The following ADCY9 variants were observed in gnomAD, a reference collection of about 807,000 sequenced individuals.
ADCY9 encodes the protein adenylate cyclase type 9.
ADCY9 carries 50 observed loss-of-function variants against 101.5 expected under a neutral mutation model. The observed-to-expected ratio is 0.49, with a 90% CI of 0.39 to 0.62. The LOEUF (loss-of-function observed/expected upper bound fraction) is 0.62. Among genes scored for constraint, ADCY9 ranks in the 20% least tolerant of loss-of-function variants. ADCY9 has a pLI of 0.00. For synonymous variants in ADCY9, 905 were observed against 769.3 expected, an observed-to-expected ratio of 1.18 and a Z score of -2.92; for missense variants, 1,662 against 1,800.4, an observed-to-expected ratio of 0.92 and a Z score of 1.39.
intron 6 of ADCY9, chr16:3,984,091 A>G (rs1184609544): frequency 6.6e-6 from 1 of 152,244 alleles, no homozygotes; most frequent in Non-Finnish European, 1.5e-5. Context: ...AAACACAAAA[A>G]AAACCCTGCC....
At chr16:3,986,328 C>T (rs2056192983) in intron 6 of ADCY9, among the ~76,000 whole-genome samples, 1 of 152,214 alleles carries the variant, frequency 6.6e-6, no homozygotes, top group Admixed American at 6.5e-5. Context: ...TCTCTCCTTT[C>T]CTCCCCACCG....
chr16:4,100,442 G>A (rs2057035181), intron 2 of ADCY9, among the ~76,000 whole-genome samples: 1 of 152,016 alleles, frequency 6.6e-6, no homozygotes, highest in South Asian at 2.1e-4. Context: ...CGATTCTCCT[G>A]CCTCAGCCTC....
At chr16:3,960,388 C>G (rs1039099319), downstream of ADCY9, among the ~76,000 whole-genome samples, 4 of 152,030 alleles carry the variant, frequency 2.6e-5, no homozygotes, top group South Asian at 8.3e-4. Flanking sequence ...GGCATGGTGG[C>G]ACGAGCACCT....
intron 2 of ADCY9, among the ~76,000 whole-genome samples, chr16:4,074,531 C>CAA (rs774528288): frequency 2.3e-4 from 21 of 90,854 alleles, no homozygotes; most frequent in African/African-American, 4.9e-4. Context: ...TCTGCCTCCG[C>CAA]AAAAAAAAAA....
At chr16:4,021,073 T>C (rs370095622) in intron 2 of ADCY9, among the ~76,000 whole-genome samples, 17 of 152,326 alleles carry the variant, frequency 1.1e-4, no homozygotes, top group East Asian at 9.7e-4. Flanking sequence ...AGATACACCA[T>C]ATTTTCTGCT....
intron 2 of ADCY9, among the ~76,000 whole-genome samples, chr16:4,090,507 T>TGCTGTGGGAACACTGCTG (rs1041819932): frequency 1.3e-5 from 2 of 152,032 alleles, no homozygotes; most frequent in African/African-American, 4.8e-5. Flanking sequence ...ATTAAGGAAG[T>TGCTGTGGGAACACTGCTG]GCTGTGGGAA....
intron 2 of ADCY9, among the ~76,000 whole-genome samples, chr16:4,031,633 C>T (rs1412133376): frequency 6.6e-6 from 1 of 152,118 alleles, no homozygotes; most frequent in Non-Finnish European, 1.5e-5. Context: ...CCTGGAATCG[C>T]AGCACTTTGG....
At chr16:4,007,744 TG>T (rs1355297561) in intron 2 of ADCY9, among the ~76,000 whole-genome samples, 186 bp from the exon 3 acceptor site, 9 of 151,980 alleles carry the variant, frequency 5.9e-5, no homozygotes, top group African/African-American at 1.9e-4. Flanking sequence ...AGGGAGACCG[TG>T]GGCCCCCGAG....
intron 2 of ADCY9, among the ~76,000 whole-genome samples, chr16:4,064,427 T>C (rs2056789154): frequency 6.6e-6 from 1 of 152,214 alleles, no homozygotes. Flanking sequence ...TTGATTATAC[T>C]ACTCTCTTCA....
At chr16:4,033,174 T>C (rs995341962) in intron 2 of ADCY9, among the ~76,000 whole-genome samples, 1 of 152,210 alleles carries the variant, frequency 6.6e-6, no homozygotes, top group Admixed American at 6.5e-5. Context: ...ATAAATCACA[T>C]ATAAGCACTT....
At chr16:3,957,373 T>C (rs936522342) in intron 5 of ADCY9, among the ~76,000 whole-genome samples, 1 of 152,148 alleles carries the variant, frequency 6.6e-6, no homozygotes, top group Non-Finnish European at 1.5e-5. Context: ...TAGAGGCATA[T>C]TTGCGTATGT....
At chr16:3,973,262 G>A (rs1418537886) in intron 10 of ADCY9, among the ~76,000 whole-genome samples, 2 of 151,924 alleles carry the variant, frequency 1.3e-5, no homozygotes, top group Non-Finnish European at 2.9e-5. Flanking sequence ...AGGCTGGAGT[G>A]CAGTGGCCGA....
rs1205256486 is a variant in ADCY9, at chr16:3,963,068, A to G, written c.*2707T>C. The G allele has an allele frequency of 6.3e-6, 1 of 158,642 alleles. No homozygotes were observed. Among genetic ancestry groups the G allele is most frequent in the Non-Finnish European group, 1.2e-5 (1 of 80,764 alleles). The allele number at this position is 158,642 out of a possible 1,614,324, so 9.8% of individuals were successfully genotyped here. A position where few individuals can be genotyped will look rare whatever the true frequency, so the allele number is the denominator to read the frequency against. On this transcript the variant is annotated 3_prime_UTR_variant, in exon 11 of 11. Transcript: ENST00000294016. The stretch of plus-strand genomic sequence containing the variant: ...TAACTGATGCTCTACATTTGTTTGC[A>G]TTGGATAAAATTGTGTGTGCTTGTT...
intron 2 of ADCY9, among the ~76,000 whole-genome samples, chr16:4,020,706 G>GTC (rs1451454788): frequency 1.3e-5 from 2 of 151,832 alleles, no homozygotes; most frequent in African/African-American, 4.8e-5. Flanking sequence ...CACGTCTGTA[G>GTC]TCCCAGCTGC....
chr16:4,035,051 G>A (rs543382663), intron 2 of ADCY9, among the ~76,000 whole-genome samples: 27 of 152,292 alleles, frequency 1.8e-4, no homozygotes, highest in Admixed American at 6.5e-4. Flanking sequence ...AGATCCATCC[G>A]TCTTCTAGAC....
At chr16:4,007,638 A>G in intron 2 of ADCY9, 80 bp from the exon 3 acceptor site, 3 of 1,216,430 alleles carry the variant, frequency 2.5e-6, no homozygotes, top group Non-Finnish European at 3.4e-6. Context: ...CTCTCTGGAG[A>G]GGACTCACTC....
chr16:3,969,569 AATATATATATATATATATATATATAT>A (rs57260468), intron 10 of ADCY9, among the ~76,000 whole-genome samples: 1,184 of 45,248 alleles, frequency 0.026, 114 homozygotes, highest in African/African-American at 0.071. Context: ...GTTTGTTTGA[AATATATATATATATATATATATATAT>A]ATATATATAT....
rs1359571796 is a variant in ADCY9 at position 3,966,640 on chromosome 16, T to C, written c.3197A>G (p.Asn1066Ser). ...GTTCTCCTCGTAGAACTCGCTGAAG[T>C]TGACGATGCTGGCGAAGATCACCCC... ...SGGVIFASIV[N>S]FSEFYEENYE... The change falls in exon 11 of 11, where the codon AAC becomes AGC. Residue 1066 changes from asparagine to serine, a missense_variant. Around this residue, in one of 5 missense-constraint regions of ADCY9, gnomAD observed 220 missense variants for 312.9 expected, o/e 0.70. Coordinates refer to ENST00000294016, the MANE Select transcript of ADCY9 (RefSeq NM_001116.4). 1 of 1,614,200 alleles carries C rather than the reference T, an allele frequency of 6.2e-7. No individual in the cohort carries two copies. The highest frequency in any genetic ancestry group is 8.5e-7 in the Non-Finnish European group (1 of 1,180,034).
At chr16:4,097,453 CATATATATATATATATAT>C (rs71394653) in intron 2 of ADCY9, among the ~76,000 whole-genome samples, 11 of 71,076 alleles carry the variant, frequency 1.5e-4, no homozygotes, top group African/African-American at 5.3e-4. Context: ...TGTGGAGTTA[CATATATATATATATATAT>C]ATATATATAT....
Sources: gnomAD v4.1 joint callset for allele counts (sites outside exome capture counted in the v4.1 genomes callset) on GRCh38, gnomAD v4.1.1 for gene constraint, gnomAD v4.1.1 regional missense constraint, MANE v1.5 for transcripts, NCBI Gene and HGNC (gene_info 2026-07-23, HGNC 2026-07-21) for gene names.